CALN1: variants seen among roughly 807,000 people sequenced by gnomAD.
The protein encoded by CALN1 is calneuron 1, also known as calcium-binding protein 8.
Under a neutral mutation model 30.6 loss-of-function variants are expected in CALN1, and 17 were observed. The ratio of observed to expected loss-of-function variants is 0.56; its 90% CI spans 0.38 to 0.83. CALN1 has a LOEUF of 0.83. Among genes scored for constraint, CALN1 ranks in the 40% least tolerant of loss-of-function variants. The pLI, the probability that CALN1 is intolerant of heterozygous loss-of-function variation, is 0.00. For synonymous variants in CALN1, 156 were observed against 131.4 expected (o/e 1.19, Z -1.28); for missense variants, 291 against 354.9 (o/e 0.82, Z 1.45).
At chr7:72,200,799 T>A (rs1407627454) in intron 3 of CALN1, among the ~76,000 whole-genome samples, 1 of 152,228 alleles carries the variant, frequency 6.6e-6, no homozygotes, top group Non-Finnish European at 1.5e-5. Context: ...GAACAGGATG[T>A]CACATGTCAA....
chr7:72,195,880 C>T (rs145190605), intron 3 of CALN1, among the ~76,000 whole-genome samples: 70 of 152,208 alleles, frequency 4.6e-4, no homozygotes, highest in African/African-American at 1.7e-3. Context: ...GTATATCTAT[C>T]CAATGGAATA....
chr7:72,443,897 G>A (rs966191889), intron 1 of CALN1, among the ~76,000 whole-genome samples: 1 of 143,958 alleles, frequency 6.9e-6, no homozygotes, highest in Non-Finnish European at 1.5e-5. Context: ...AGGCTGGAGT[G>A]CAGTGGTGTG....
chr7:72,370,137 G>C (rs1454647456), intron 2 of CALN1, among the ~76,000 whole-genome samples: 2 of 152,314 alleles, frequency 1.3e-5, no homozygotes, highest in African/African-American at 2.4e-5. Context: ...ACTTGGTACA[G>C]TCATTTTAAC....
intron 5 of CALN1, among the ~76,000 whole-genome samples, chr7:71,941,556 G>A (rs967394982): frequency 6.6e-6 from 1 of 152,136 alleles, no homozygotes; most frequent in African/African-American, 2.4e-5. Flanking sequence ...AGTTTATGAA[G>A]AGAGGTTCAA....
At chr7:72,307,583 G>T (rs1799738776) in intron 2 of CALN1, among the ~76,000 whole-genome samples, 1 of 152,184 alleles carries the variant, frequency 6.6e-6, no homozygotes, top group Non-Finnish European at 1.5e-5. Context: ...GCTATGATAT[G>T]ATATTATCTG....
intron 3 of CALN1, among the ~76,000 whole-genome samples, chr7:72,251,783 CTG>C (rs1169988207): frequency 2.6e-5 from 4 of 152,146 alleles, no homozygotes; most frequent in Non-Finnish European, 4.4e-5. Context: ...TATATATTAA[CTG>C]TATCAATGTC....
rs570995831 is a variant in CALN1 at position 71,814,451 on chromosome 7, G to A, written c.502-3959C>T. On this transcript the variant is annotated intron_variant, in intron 5 of 6. Transcript: ENST00000395275. ...ACTGTTGGGAAGTCTCCCCTGGGGAGGGGAGGAGTATATTTTGCAGCTGAA... is the reference window on the plus strand; with the variant it reads ...ACTGTTGGGAAGTCTCCCCTGGGGAAGGGAGGAGTATATTTTGCAGCTGAA... Among the ~76,000 whole-genome samples, 4 of 152,286 alleles carry A rather than the reference G, an allele frequency of 2.6e-5. No homozygotes were observed. The East Asian group carries it at 7.7e-4, about 29-fold the overall frequency.
chr7:72,322,993 G>C (rs1450071565), intron 2 of CALN1, among the ~76,000 whole-genome samples: 1 of 149,348 alleles, frequency 6.7e-6, no homozygotes, highest in Non-Finnish European at 1.5e-5. Context: ...AACAGAAAAA[G>C]GACAGGGGAG....
chr7:72,363,723 A>C (rs950366149), intron 2 of CALN1, among the ~76,000 whole-genome samples: 1 of 122,850 alleles, frequency 8.1e-6, no homozygotes, highest in Non-Finnish European at 1.7e-5. Context: ...GTTAAAAAAA[A>C]CTTTTTTTTT....
chr7:72,411,900 G>A (rs944584352), intron 1 of CALN1, among the ~76,000 whole-genome samples, 158 bp downstream of exon 1: 22 of 152,136 alleles, frequency 1.4e-4, no homozygotes, highest in African/African-American at 4.1e-4. Flanking sequence ...TTTTAGAGAG[G>A]TATCATAAAC....
chr7:72,026,134 T>C (rs781388417), intron 4 of CALN1, among the ~76,000 whole-genome samples: 2 of 152,174 alleles, frequency 1.3e-5, no homozygotes, highest in African/African-American at 2.4e-5. Flanking sequence ...TTCAAAATTA[T>C]CAAATACTTC....
At chr7:72,058,673 GAGGGCCAA>G (rs1423722588) in intron 4 of CALN1, among the ~76,000 whole-genome samples, 1 of 152,158 alleles carries the variant, frequency 6.6e-6, no homozygotes, top group Non-Finnish European at 1.5e-5. Flanking sequence ...ACCCTGGGCA[GAGGGCCAA>G]GGGGGCAGGA....
intron 3 of CALN1, among the ~76,000 whole-genome samples, chr7:72,264,177 T>G (rs1796461183): frequency 6.6e-6 from 1 of 152,180 alleles, no homozygotes; most frequent in African/African-American, 2.4e-5. Context: ...TTAGCCAGCA[T>G]GTGAAGGAAG....
chr7:72,293,023 C>T (rs1452830607), intron 2 of CALN1, among the ~76,000 whole-genome samples: 1 of 151,994 alleles, frequency 6.6e-6, no homozygotes, highest in East Asian at 1.9e-4. Flanking sequence ...TGTTCAGTAG[C>T]GCCCACTCCT....
chr7:71,800,502 G>A (rs751632767), intron 6 of CALN1, among the ~76,000 whole-genome samples: 2 of 152,064 alleles, frequency 1.3e-5, no homozygotes, highest in African/African-American at 2.4e-5. Context: ...CTCCCGTGCC[G>A]GTTGTCAGAA....
intron 2 of CALN1, among the ~76,000 whole-genome samples, chr7:72,322,736 C>G (rs1187735421): frequency 1.3e-5 from 2 of 151,818 alleles, no homozygotes; most frequent in Non-Finnish European, 2.9e-5. Flanking sequence ...ATGAATAATA[C>G]CCTAGTACTT....
rs190899207 is a variant in CALN1, at chr7:71,813,103, C to G, written c.502-2611G>C. ...AGCTGGGATTACAGGCACACACCACCACACCTAGCTAATTTTTGTATTTTT... is the reference window on the plus strand; with the variant it reads ...AGCTGGGATTACAGGCACACACCACGACACCTAGCTAATTTTTGTATTTTT... On this transcript the variant is annotated intron_variant, in intron 5 of 6. Coordinates refer to ENST00000395275, the MANE Select transcript of CALN1 (RefSeq NM_031468.4). Among the ~76,000 whole-genome samples, 394 of 152,128 alleles carry G rather than the reference C, an allele frequency of 2.6e-3. 2 individuals are homozygous for G. The highest frequency in any genetic ancestry group is 7.4e-3 in the African/African-American group (308 of 41,498).
chr7:72,284,505 C>T (rs996721715), intron 2 of CALN1, among the ~76,000 whole-genome samples: 5 of 117,846 alleles, frequency 4.2e-5, no homozygotes, highest in African/African-American at 1.3e-4. Flanking sequence ...AGCAGATTCT[C>T]CTCCCCAGTG....
chr7:72,391,993 G>C (rs1419930893), intron 2 of CALN1, among the ~76,000 whole-genome samples: 1 of 152,198 alleles, frequency 6.6e-6, no homozygotes. Context: ...CCTAGAGTAT[G>C]GCAGAAGCAA....
Sources: allele counts gnomAD v4.1 joint callset (sites outside exome capture counted in the v4.1 genomes callset), GRCh38; gene constraint gnomAD v4.1.1; transcripts MANE v1.5; gene names NCBI Gene and HGNC (gene_info 2026-07-23, HGNC 2026-07-21).